The following INPP5A variants were observed in gnomAD, a reference collection of about 807,000 sequenced individuals.
INPP5A encodes the protein 43 kDa inositol polyphosphate 5-phophatase.
In INPP5A, 14 loss-of-function variants were observed where a neutral mutation model predicts 65.2. That is an observed-to-expected ratio of 0.21 (90% CI 0.14 to 0.34). The LOEUF (loss-of-function observed/expected upper bound fraction) is 0.34. Among genes scored for constraint, INPP5A ranks in the 10% least tolerant of loss-of-function variants. INPP5A has a pLI of 1.00. For synonymous variants in INPP5A, 207 were observed against 208.3 expected, an observed-to-expected ratio of 0.99 and a Z score of 0.05; for missense variants, 431 against 545.6, an observed-to-expected ratio of 0.79 and a Z score of 2.09.
chr10:132,608,968 G>T (rs1007945537), intron 2 of INPP5A, among the ~76,000 whole-genome samples: 1 of 152,176 alleles, frequency 6.6e-6, no homozygotes, highest in Non-Finnish European at 1.5e-5. Flanking sequence ...CTGTGCCCTC[G>T]GGCCTGTGTC....
chr10:132,761,189 G>A (rs1386324729), intron 11 of INPP5A, among the ~76,000 whole-genome samples: 1 of 152,214 alleles, frequency 6.6e-6, no homozygotes, highest in Non-Finnish European at 1.5e-5. Context: ...GGTGGCACGG[G>A]CCCCTGAGAC....
At chr10:132,557,089 G>A (rs1564914952) in intron 1 of INPP5A, among the ~76,000 whole-genome samples, 2 of 152,238 alleles carry the variant, frequency 1.3e-5, no homozygotes, top group Admixed American at 1.3e-4. Flanking sequence ...CACCGGTTTG[G>A]TAGGTCTGAG....
At chr10:132,581,484 A>G (rs1280332294) in intron 1 of INPP5A, among the ~76,000 whole-genome samples, 3 of 152,180 alleles carry the variant, frequency 2.0e-5, no homozygotes, top group African/African-American at 7.2e-5. Context: ...TCCCAGGCCA[A>G]TTCTGCTGGT....
chr10:132,700,816 C>A (rs1005127903), intron 6 of INPP5A, among the ~76,000 whole-genome samples: 1 of 152,262 alleles, frequency 6.6e-6, no homozygotes. Flanking sequence ...ATAATTACAG[C>A]CGCAGCAGAA....
At chr10:132,703,299 G>C (rs958546147) in intron 6 of INPP5A, among the ~76,000 whole-genome samples, 3 of 152,068 alleles carry the variant, frequency 2.0e-5, no homozygotes, top group Admixed American at 6.5e-5. Flanking sequence ...CCCTGTGCCC[G>C]CGGTGCCTGT....
chr10:132,736,908 T>A (rs1183499322), intron 9 of INPP5A, among the ~76,000 whole-genome samples: 2 of 152,200 alleles, frequency 1.3e-5, no homozygotes, highest in African/African-American at 4.8e-5. Flanking sequence ...ACCGGCTGCC[T>A]TGTTGAGCCC....
chr10:132,557,260 T>C (rs572386908), intron 1 of INPP5A, among the ~76,000 whole-genome samples: 6 of 152,370 alleles, frequency 3.9e-5, no homozygotes, highest in South Asian at 4.1e-4. Flanking sequence ...CCGGGGCCAC[T>C]GTGACTCCCA....
chr10:132,574,057 G>T (rs1163587624), intron 1 of INPP5A, among the ~76,000 whole-genome samples: 2 of 11,060 alleles, frequency 1.8e-4, no homozygotes, highest in Non-Finnish European at 1.5e-4. Context: ...AGATGTTGGG[G>T]TGTGCGTGCC....
At chr10:132,579,901 G>C (rs2071460559) in intron 1 of INPP5A, among the ~76,000 whole-genome samples, 2 of 150,422 alleles carry the variant, frequency 1.3e-5, no homozygotes, top group African/African-American at 4.9e-5. Flanking sequence ...CAGCCACCAT[G>C]CCTTGCCTGT....
At chr10:132,667,833 G>A (rs930528609) in intron 4 of INPP5A, among the ~76,000 whole-genome samples, 8 of 152,162 alleles carry the variant, frequency 5.3e-5, no homozygotes, top group African/African-American at 1.9e-4. Context: ...ATGAACTGGC[G>A]GCATGCGGGG....
chr10:132,569,519 C>T (rs1178317116), intron 1 of INPP5A, among the ~76,000 whole-genome samples: 2 of 152,074 alleles, frequency 1.3e-5, no homozygotes, highest in Non-Finnish European at 2.9e-5. Flanking sequence ...ACCATGACCG[C>T]CTAATTTTGT....
chr10:132,779,696 C>T (rs966858265), intron 13 of INPP5A, among the ~76,000 whole-genome samples: 1 of 152,210 alleles, frequency 6.6e-6, no homozygotes, highest in Non-Finnish European at 1.5e-5. Flanking sequence ...CCCCATGGGG[C>T]CACCCAGTGG....
intron 8 of INPP5A, among the ~76,000 whole-genome samples, chr10:132,716,035 C>T (rs1374509041): frequency 1.3e-5 from 2 of 152,228 alleles, no homozygotes; most frequent in Non-Finnish European, 2.9e-5. Context: ...AGGAGGGGCT[C>T]CTTTCGCCTG....
chr10:132,722,913 T>C (rs908993163), intron 8 of INPP5A, among the ~76,000 whole-genome samples: 2 of 152,254 alleles, frequency 1.3e-5, no homozygotes, highest in Non-Finnish European at 2.9e-5. Context: ...TGTTTTTTTT[T>C]CTCCTGCTCC....
At chr10:132,607,396 C>T (rs1014740268) in intron 1 of INPP5A, among the ~76,000 whole-genome samples, 7 of 152,210 alleles carry the variant, frequency 4.6e-5, no homozygotes, top group South Asian at 2.1e-4. Flanking sequence ...ACAGTTGTGA[C>T]GGACTCTATA....
At chr10:132,556,188 A>G (rs777191259) in intron 1 of INPP5A, among the ~76,000 whole-genome samples, 13 of 151,646 alleles carry the variant, frequency 8.6e-5, no homozygotes, top group African/African-American at 2.2e-4. Context: ...GGCTGTCACT[A>G]TGCCACCTGT....
chr10:132,673,963 G>A (rs1372028318), intron 4 of INPP5A, among the ~76,000 whole-genome samples: 1 of 152,192 alleles, frequency 6.6e-6, no homozygotes, highest in Non-Finnish European at 1.5e-5. Context: ...TCATGTTGCC[G>A]AGCCCATGGG....
chr10:132,589,960 A>G (rs1350429039), intron 1 of INPP5A, among the ~76,000 whole-genome samples: 5 of 152,218 alleles, frequency 3.3e-5, no homozygotes, highest in Non-Finnish European at 7.3e-5. Context: ...GTGGGAGGGC[A>G]CCGATGTGCA....
chr10:132,755,123 G>GAGCAGGTGTGTC (rs1401363411), intron 11 of INPP5A, among the ~76,000 whole-genome samples: 1 of 152,044 alleles, frequency 6.6e-6, no homozygotes, highest in Admixed American at 6.5e-5. Context: ...GCTGGCGTGT[G>GAGCAGGTGTGTC]AGCAGGTGTG....
Sources: gnomAD v4.1 joint callset for allele counts (sites outside exome capture counted in the v4.1 genomes callset) on GRCh38, gnomAD v4.1.1 for gene constraint, MANE v1.5 for transcripts, NCBI Gene and HGNC (gene_info 2026-07-23, HGNC 2026-07-21) for gene names.